CTNNA3: variants seen among roughly 807,000 people sequenced by gnomAD.
CTNNA3 encodes the protein catenin alpha-3.
A neutral mutation model predicts 95.7 loss-of-function variants in CTNNA3; 76 were observed. That is an observed-to-expected ratio of 0.79 (90% CI 0.66 to 0.96). CTNNA3 has a LOEUF of 0.96. Among genes scored for constraint, CTNNA3 ranks in the 40% least tolerant of loss-of-function variants. The probability of loss-of-function intolerance (pLI) is 0.00; values close to 1 mark genes in which losing one functional copy is unlikely to be tolerated. For missense variants in CTNNA3, 1,191 were observed against 1,089.8 expected (o/e 1.09, Z -1.31); for synonymous variants, 431 against 374.4 (o/e 1.15, Z -1.74).
At chr10:67,367,578 G>T (rs1343064850) in intron 5 of CTNNA3, among the ~76,000 whole-genome samples, 1 of 152,060 alleles carries the variant, frequency 6.6e-6, no homozygotes, top group Admixed American at 6.5e-5. Context: ...TATATCCAAA[G>T]GACAATTATT....
chr10:66,121,767 G>A (rs895000763), intron 13 of CTNNA3, among the ~76,000 whole-genome samples: 8 of 151,970 alleles, frequency 5.3e-5, no homozygotes, highest in African/African-American at 1.9e-4. Context: ...CTTGAGCCCT[G>A]GAAAAAGAGG....
intron 11 of CTNNA3, among the ~76,000 whole-genome samples, chr10:66,491,038 C>A (rs541394599): frequency 6.6e-6 from 1 of 152,142 alleles, no homozygotes; most frequent in Non-Finnish European, 1.5e-5. Flanking sequence ...TTCCTCAAAG[C>A]CCTTTAGGCC....
At chr10:66,238,909 T>C (rs1318560155) in intron 13 of CTNNA3, among the ~76,000 whole-genome samples, 1 of 151,920 alleles carries the variant, frequency 6.6e-6, no homozygotes, top group African/African-American at 2.4e-5. Context: ...ATACTGTCAG[T>C]AATACCTTGG....
At chr10:66,602,696 A>G (rs1843972536) in intron 10 of CTNNA3, among the ~76,000 whole-genome samples, 1 of 152,064 alleles carries the variant, frequency 6.6e-6, no homozygotes, top group Non-Finnish European at 1.5e-5. Context: ...AAAATTTTCA[A>G]CAAAATATTA....
chr10:66,921,326 A>C lies in CTNNA3; in HGVS notation c.1048-145802T>G, dbSNP rs564397772. 2.0e-5 allele frequency among the ~76,000 whole-genome samples: 3 copies of C among 152,292 alleles called. No homozygotes were observed. In the South Asian group the frequency reaches 6.2e-4, roughly 32 times the overall value. On this transcript the variant is annotated intron_variant, in intron 7 of 17. Coordinates refer to ENST00000433211, the MANE Select transcript of CTNNA3 (RefSeq NM_013266.4). ...TCACATTGGGAATTGGGGTTTCAAT[A>C]TATGGCTTTTGGGGACGGTAAATGA... is the stretch of plus-strand genomic sequence containing the variant.
chr10:67,699,565 T>C (rs1841017497), upstream of CTNNA3, among the ~76,000 whole-genome samples: 1 of 152,178 alleles, frequency 6.6e-6, no homozygotes, highest in African/African-American at 2.4e-5. Flanking sequence ...AGGTACACGC[T>C]AAGGAATTTC....
At position 66,130,837 on chromosome 10, in the gene CTNNA3, A is replaced by T. The variant is rs149629875; in HGVS notation, c.1885-27588T>A. Among the ~76,000 whole-genome samples the T allele has an allele frequency of 6.4e-3, 964 of 150,668 alleles. 11 individuals are homozygous for T. Among genetic ancestry groups the T allele is most frequent in the African/African-American group, 0.022 (915 of 40,856 alleles). Reference sequence around the variant, plus strand: ...CACCACTGCACTCCAGCCTGGTGACACAGCAAGACTCCGTCTCAAAAACAA... The same window carrying T: ...CACCACTGCACTCCAGCCTGGTGACTCAGCAAGACTCCGTCTCAAAAACAA... On this transcript the variant is annotated intron_variant, in intron 13 of 17. Transcript: ENST00000433211.
At chr10:66,471,691 G>A (rs1346364054) in intron 11 of CTNNA3, among the ~76,000 whole-genome samples, 1 of 150,888 alleles carries the variant, frequency 6.6e-6, no homozygotes, top group Non-Finnish European at 1.5e-5. Flanking sequence ...ACATATAAAG[G>A]TCGGCTCCAC....
intron 7 of CTNNA3, among the ~76,000 whole-genome samples, chr10:66,999,764 T>C (rs568044319): frequency 1.3e-5 from 2 of 152,340 alleles, no homozygotes; most frequent in African/African-American, 2.4e-5. Flanking sequence ...TATCAATTTA[T>C]CTTAGTTGAA....
intron 13 of CTNNA3, among the ~76,000 whole-genome samples, chr10:66,269,893 C>T (rs1054536368): frequency 2.0e-5 from 3 of 152,146 alleles, no homozygotes; most frequent in Non-Finnish European, 2.9e-5. Context: ...TCCGACTTTG[C>T]AGAAGCTTCT....
In CTNNA3 at chr10:67,485,853, G is replaced by A. The variant is rs181378144; in HGVS notation, c.579+35989C>T. Among the ~76,000 whole-genome samples, 564 of 152,248 alleles carry A rather than the reference G, an allele frequency of 3.7e-3. 8 individuals carry two copies. Among genetic ancestry groups the A allele is most frequent in the African/African-American group, 0.013 (536 of 41,554 alleles). ...TTTCCTTCAAATAAGTCAACTAGACGTCTCTTCCTTTTAAAGCCAACAGTG... is the reference window on the plus strand; with the variant it reads ...TTTCCTTCAAATAAGTCAACTAGACATCTCTTCCTTTTAAAGCCAACAGTG... On this transcript the variant is annotated intron_variant, in intron 5 of 17. Coordinates refer to ENST00000433211, the MANE Select transcript of CTNNA3 (RefSeq NM_013266.4).
At chr10:66,738,257 G>T (rs1849212366) in intron 9 of CTNNA3, among the ~76,000 whole-genome samples, 3 of 152,066 alleles carry the variant, frequency 2.0e-5, no homozygotes, top group Non-Finnish European at 2.9e-5. Context: ...TTATGTTTTT[G>T]ATTGATCTGC....
intron 5 of CTNNA3, among the ~76,000 whole-genome samples, chr10:67,366,469 C>T (rs1034612271): frequency 2.6e-5 from 4 of 151,950 alleles, no homozygotes; most frequent in Non-Finnish European, 4.4e-5. Flanking sequence ...GGTGAAACCC[C>T]GTCTCTACTA....
chr10:66,851,882 G>A (rs34740750), intron 7 of CTNNA3, among the ~76,000 whole-genome samples: 41,700 of 151,930 alleles, frequency 0.27, 6,640 homozygotes, highest in Non-Finnish European at 0.38. Context: ...ATTAATGAGT[G>A]CAATAGATAC....
chr10:67,483,622 G>T (rs187596542), intron 5 of CTNNA3, among the ~76,000 whole-genome samples: 4 of 151,396 alleles, frequency 2.6e-5, no homozygotes, highest in Non-Finnish European at 5.9e-5. Context: ...GTGGCGGGAG[G>T]GGGGAGGAAT....
intron 7 of CTNNA3, among the ~76,000 whole-genome samples, chr10:66,860,680 C>G (rs1202354881): frequency 6.6e-6 from 1 of 152,156 alleles, no homozygotes; most frequent in Non-Finnish European, 1.5e-5. Context: ...ATAAGACAAT[C>G]ACAACCATTA....
chr10:67,439,498 C>A (rs1846421342), intron 5 of CTNNA3, among the ~76,000 whole-genome samples: 4 of 152,090 alleles, frequency 2.6e-5, no homozygotes, highest in Admixed American at 2.6e-4. Flanking sequence ...TTTTAAACAA[C>A]CAGACCTCAT....
At chr10:66,818,005 C>CAT (rs1252094714) in intron 7 of CTNNA3, among the ~76,000 whole-genome samples, 1 of 151,434 alleles carries the variant, frequency 6.6e-6, no homozygotes, top group Admixed American at 6.6e-5. Context: ...CAATCGATCC[C>CAT]ATAAACTATA....
intron 15 of CTNNA3, among the ~76,000 whole-genome samples, chr10:66,058,178 G>A (rs1465430802): frequency 2.6e-5 from 4 of 152,082 alleles, no homozygotes; most frequent in Non-Finnish European, 4.4e-5. Flanking sequence ...AAAAAGATAT[G>A]AGCCATAGAA....
Sources: allele counts gnomAD v4.1 joint callset (sites outside exome capture counted in the v4.1 genomes callset), GRCh38; gene constraint gnomAD v4.1.1; transcripts MANE v1.5; gene names NCBI Gene and HGNC (gene_info 2026-07-23, HGNC 2026-07-21).